SESTD1: variants seen among roughly 807,000 people sequenced by gnomAD.
SESTD1 encodes the protein SEC14 domain and spectrin repeat-containing protein 1.
Under a neutral mutation model 101.7 loss-of-function variants are expected in SESTD1, and 43 were observed. The ratio of observed to expected loss-of-function variants is 0.42; its 90% confidence interval spans 0.33 to 0.55. The LOEUF (loss-of-function observed/expected upper bound fraction) is 0.55. Among genes scored for constraint, SESTD1 ranks in the 20% least tolerant of loss-of-function variants. The pLI, the probability that SESTD1 is intolerant of heterozygous loss-of-function variation, is 0.07. For synonymous variants in SESTD1, 283 were observed against 286.8 expected (o/e 0.99, Z 0.13); for missense variants, 647 against 815.1 (o/e 0.79, Z 2.51).
In SESTD1 at chr2:179,109,868, G is replaced by A. The variant is rs1328381944; in HGVS notation, c.*31C>T. 6.2e-7 allele frequency: 1 copy of A among 1,611,018 alleles called. No individual in the cohort carries two copies. Reference sequence around the variant, plus strand: ...GTATGTTGACAACATGCGGGATTATGAACTGCAAATCTGTAGGTAGCTGGT... The same window carrying A: ...GTATGTTGACAACATGCGGGATTATAAACTGCAAATCTGTAGGTAGCTGGT... On this transcript the variant is annotated 3_prime_UTR_variant, in exon 18 of 18. Coordinates refer to ENST00000428443, the MANE Select transcript of SESTD1 (RefSeq NM_178123.5).
intron 1 of SESTD1, among the ~76,000 whole-genome samples, chr2:179,228,307 A>G (rs1409443604): frequency 6.6e-6 from 1 of 151,996 alleles, no homozygotes; most frequent in Non-Finnish European, 1.5e-5. Context: ...TGAATATTAT[A>G]CCTCTTACCT....
At chr2:179,250,485 A>G (rs2047300740) in intron 1 of SESTD1, among the ~76,000 whole-genome samples, 1 of 152,172 alleles carries the variant, frequency 6.6e-6, no homozygotes, top group Admixed American at 6.5e-5. Context: ...ACAGTTCCGG[A>G]GGTTAGAAGT....
intron 5 of SESTD1, among the ~76,000 whole-genome samples, chr2:179,165,879 G>C (rs2045825187): frequency 6.6e-6 from 1 of 152,230 alleles, no homozygotes; most frequent in African/African-American, 2.4e-5. Context: ...AAGTTGGAAA[G>C]AGCATGGCTC....
At chr2:179,139,718 A>AC (rs1176196154) in intron 9 of SESTD1, among the ~76,000 whole-genome samples, 1 of 152,134 alleles carries the variant, frequency 6.6e-6, no homozygotes, top group Non-Finnish European at 1.5e-5. Context: ...CCCACAAGAC[A>AC]CCGACTCACC....
At chr2:179,252,048 G>A (rs1312041700) in intron 1 of SESTD1, among the ~76,000 whole-genome samples, 1 of 152,190 alleles carries the variant, frequency 6.6e-6, no homozygotes, top group Non-Finnish European at 1.5e-5. Flanking sequence ...ACAGAGAAGA[G>A]CAATAATTTG....
At chr2:179,161,765 TG>T (rs1286473887) in intron 5 of SESTD1, among the ~76,000 whole-genome samples, 1 of 152,208 alleles carries the variant, frequency 6.6e-6, no homozygotes, top group African/African-American at 2.4e-5. Flanking sequence ...AAAACCTAGC[TG>T]GCTTGTTTTT....
chr2:179,162,546 T>C (rs1035050533), intron 5 of SESTD1: 2 of 151,932 alleles, frequency 1.3e-5, no homozygotes, highest in African/African-American at 4.9e-5. Context: ...TAAGAAAAAC[T>C]ACCTAAATCT....
At position 179,103,065 on chromosome 2, in the gene SESTD1, G is replaced by A. The variant is rs572807758; in HGVS notation, c.*6834C>T. ...AGTCTTACTTTACCTACTGAAAACG[G>A]GTGGTGAAAGTTAGTAACATAAACA... On this transcript the variant is annotated 3_prime_UTR_variant, in exon 18 of 18. Transcript: ENST00000428443. 11 of 152,114 alleles carry A rather than the reference G, an allele frequency of 7.2e-5. No homozygotes were observed. Among genetic ancestry groups the A allele is most frequent in the East Asian group, 5.8e-4 (3 of 5,176 alleles). 9.4% of individuals were successfully genotyped at this position (152,114 alleles called of 1,614,324 possible).
intron 1 of SESTD1, among the ~76,000 whole-genome samples, chr2:179,260,819 A>G (rs2047471912): frequency 6.6e-6 from 1 of 150,562 alleles, no homozygotes. Context: ...TTTGTAAAAG[A>G]AAAAACATTA....
chr2:179,187,569 G>T (rs977574397), intron 2 of SESTD1, among the ~76,000 whole-genome samples: 2 of 152,168 alleles, frequency 1.3e-5, no homozygotes, highest in Non-Finnish European at 2.9e-5. Context: ...AGGAGGTCAA[G>T]GCTACAGTGA....
intron 1 of SESTD1, among the ~76,000 whole-genome samples, chr2:179,217,148 T>C (rs2046734802): frequency 6.6e-6 from 1 of 152,044 alleles, no homozygotes; most frequent in Non-Finnish European, 1.5e-5. Context: ...CTAATTAAAC[T>C]AAAGAGCTTC....
In SESTD1 at chr2:179,213,049, G is replaced by A. The variant is rs369366793; in HGVS notation, c.-25-21183C>T. Among the ~76,000 whole-genome samples the A allele has an allele frequency of 2.2e-5, 3 of 135,228 alleles. No homozygotes were observed. The East Asian group carries it at 6.0e-4, about 27-fold the overall frequency. The allele number at this position is 135,228 out of a possible 152,430, so 88.7% of individuals were successfully genotyped here. A position where few individuals can be genotyped will look rare whatever the true frequency, so the allele number is the denominator to read the frequency against. The stretch of plus-strand genomic sequence containing the variant: ...ACCACAAAGATGGGGAGGAACCAGA[G>A]CAGAAAAGCTGAAAATTCTAAAAAC... On this transcript the variant is annotated intron_variant, in intron 1 of 17. Coordinates refer to ENST00000428443, the MANE Select transcript of SESTD1 (RefSeq NM_178123.5).
chr2:179,262,017 T>C (rs1165328920), intron 1 of SESTD1, among the ~76,000 whole-genome samples: 1 of 152,130 alleles, frequency 6.6e-6, no homozygotes, highest in East Asian at 1.9e-4. Context: ...CATAGCCATA[T>C]AACAAAATAA....
chr2:179,151,214 TA>T (rs148589684), intron 6 of SESTD1, 63 bp downstream of exon 6: 80,993 of 1,147,604 alleles, frequency 0.071, 3,225 homozygotes, highest in South Asian at 0.091. Context: ...ACTAAAATGA[TA>T]AAGTTATCAA....
chr2:179,173,375 A>G (rs1032414270), intron 4 of SESTD1, among the ~76,000 whole-genome samples: 2 of 152,180 alleles, frequency 1.3e-5, no homozygotes, highest in East Asian at 3.9e-4. Context: ...AGTAGAATAT[A>G]AAATAATAAA....
At position 179,206,160 on chromosome 2, in the gene SESTD1, C is replaced by A. The variant is rs936880620; in HGVS notation, c.-25-14294G>T. On this transcript the variant is annotated intron_variant, in intron 1 of 17. Coordinates refer to ENST00000428443, the MANE Select transcript of SESTD1 (RefSeq NM_178123.5). ...AATGGCAAATAGGAGACAGGACTAA[C>A]GTGCAGCTCCCACTTGGACAGACAG... Among the ~76,000 whole-genome samples, 26 of 135,276 alleles carry A rather than the reference C, an allele frequency of 1.9e-4. 7 individuals carry two copies. Among genetic ancestry groups the A allele is most frequent in the Non-Finnish European group, 1.4e-4 (9 of 62,872 alleles). The allele number at this position is 135,276 out of a possible 152,430, so 88.7% of individuals were successfully genotyped here.
At chr2:179,262,332 A>ATTT (rs2047495042) in intron 1 of SESTD1, among the ~76,000 whole-genome samples, 1 of 152,204 alleles carries the variant, frequency 6.6e-6, no homozygotes, top group South Asian at 2.1e-4. Flanking sequence ...ATACTTTAAA[A>ATTT]AAGTGAATTC....
chr2:179,155,661 C>T (rs111647092), intron 5 of SESTD1, among the ~76,000 whole-genome samples: 1 of 151,984 alleles, frequency 6.6e-6, no homozygotes, highest in African/African-American at 2.4e-5. Context: ...TCTTCAATTG[C>T]ATCTTATTTA....
At position 179,183,073 on chromosome 2, in the gene SESTD1, G is replaced by T. The variant is rs367972552; in HGVS notation, c.164+7C>A. On this transcript the variant is annotated splice_region_variant and intron_variant, in intron 3 of 17. Coordinates refer to ENST00000428443, the MANE Select transcript of SESTD1 (RefSeq NM_178123.5). ...TGAGATTTAAGAAAAGACACCTTTA[G>T]AGTCACCTTGGAATGCTGAGTAGGT... is the stretch of plus-strand genomic sequence containing the variant. The T allele has an allele frequency of 5.3e-5, 83 of 1,573,954 alleles. No individual in the cohort carries two copies. Among genetic ancestry groups the T allele is most frequent in the Non-Finnish European group, 7.1e-5 (82 of 1,156,584 alleles).
Sources: allele counts gnomAD v4.1 joint callset (sites outside exome capture counted in the v4.1 genomes callset), GRCh38; gene constraint gnomAD v4.1.1; transcripts MANE v1.5; gene names NCBI Gene and HGNC (gene_info 2026-07-23, HGNC 2026-07-21).